GRHL2: variants seen among roughly 807,000 people sequenced by gnomAD.
GRHL2 encodes grainyhead-like protein 2 homolog.
A neutral mutation model predicts 83.8 loss-of-function variants in GRHL2; 21 were observed. The observed-to-expected ratio is 0.25, with a 90% CI of 0.18 to 0.36. The LOEUF is 0.36. Ranked by LOEUF, GRHL2 falls within the 10% of genes least tolerant of loss-of-function variation. The pLI is 1.00. For synonymous variants in GRHL2, 280 were observed against 278.9 expected, an observed-to-expected ratio of 1.00 and a Z score of -0.04; for missense variants, 623 against 781.8, an observed-to-expected ratio of 0.80 and a Z score of 2.42.
chr8:101,570,382 A>G lies in GRHL2; in HGVS notation c.722A>G (p.Asp241Gly). 6.2e-7 allele frequency: 1 copy of G among 1,613,874 alleles called. No homozygotes were observed. Among genetic ancestry groups the G allele is most frequent in the South Asian group, 1.1e-5 (1 of 91,084 alleles). Residue 241 changes from aspartate (D) to glycine (G), a missense_variant, in exon 5 of 16, where the codon GAT becomes GGT. Asp to Gly is a moderately conservative substitution (Grantham distance 94). Coordinates refer to ENST00000646743, the MANE Select transcript of GRHL2 (RefSeq NM_024915.4). ...GTTGGGGCTGAGGAGTACATGTATG[A>G]TCAGACATCAAGGTGAGTTACCAGG... ...ASVGAEEYMY[D>G]QTSSGTFQYT... is the part of the protein sequence containing the mutation.
Position 101,530,273 on chromosome 8 carries a change from C to A in GRHL2, c.21-12968C>A, listed in dbSNP as rs1810896516. On this transcript the variant is annotated intron_variant, in intron 1 of 15. Coordinates refer to ENST00000646743, the MANE Select transcript of GRHL2 (RefSeq NM_024915.4). ...TAGAATTGCATTAACATTTCTTTTC[C>A]ATATTGGCTGTAAACATTAGAGGTA... Among the ~76,000 whole-genome samples the A allele has an allele frequency of 2.0e-5, 3 of 152,116 alleles. No homozygotes were observed. The South Asian group carries it at 6.2e-4, about 32-fold the overall frequency.
At chr8:101,656,570 A>G (rs1327504719) in intron 14 of GRHL2, among the ~76,000 whole-genome samples, 1 of 152,246 alleles carries the variant, frequency 6.6e-6, no homozygotes, top group Non-Finnish European at 1.5e-5. Flanking sequence ...TAAAGAGATC[A>G]GGCAATACTA....
the GRHL2 span, among the ~76,000 whole-genome samples, chr8:101,677,510 A>G: frequency 5.2e-3 from 440 of 84,382 alleles, 2 homozygotes; most frequent in Non-Finnish European, 6.3e-3. Flanking sequence ...AAATAAAGTG[A>G]TTAAATACTG....
chr8:101,632,413 G>A lies in GRHL2; in HGVS notation c.1485+48G>A, dbSNP rs1435178968. On this transcript the variant is annotated intron_variant, in intron 11 of 15. Transcript: ENST00000646743. The stretch of plus-strand genomic sequence containing the variant: ...CACCTCCCATCCATCCACAGGGCAA[G>A]TAGGGCTTTAAGATAGAAGCATTTC... 1.9e-6 allele frequency: 3 copies of A among 1,610,282 alleles called. No homozygotes were observed. In the African/African-American group the frequency reaches 4.0e-5, roughly 21 times the overall value.
At chr8:101,503,715 T>G (rs988058481) in intron 1 of GRHL2, among the ~76,000 whole-genome samples, 3 of 152,206 alleles carry the variant, frequency 2.0e-5, no homozygotes, top group African/African-American at 7.2e-5. Flanking sequence ...AAATCATGGT[T>G]TAGTGAGATG....
chr8:101,503,402 G>A (rs893821664), intron 1 of GRHL2, among the ~76,000 whole-genome samples: 1 of 152,232 alleles, frequency 6.6e-6, no homozygotes, highest in Admixed American at 6.5e-5. Flanking sequence ...GCTGTAAGCT[G>A]TATTAGTGAT....
intron 5 of GRHL2, among the ~76,000 whole-genome samples, chr8:101,572,129 TGGGAA>T (rs994167204): frequency 2.0e-5 from 3 of 152,242 alleles, no homozygotes; most frequent in African/African-American, 7.2e-5. Flanking sequence ...TGCCTTTATC[TGGGAA>T]GGAAAATTCA....
intron 8 of GRHL2, among the ~76,000 whole-genome samples, chr8:101,615,274 C>A (rs1812831991): frequency 6.6e-6 from 1 of 152,156 alleles, no homozygotes; most frequent in Non-Finnish European, 1.5e-5. Context: ...ACTTAAATGG[C>A]CCTTGTAAAT....
chr8:101,678,776 C>T, the GRHL2 span, among the ~76,000 whole-genome samples: 1 of 152,116 alleles, frequency 6.6e-6, no homozygotes, highest in South Asian at 2.1e-4. Context: ...CCTTGACCCC[C>T]AAGCAGCCTA....
intron 7 of GRHL2, among the ~76,000 whole-genome samples, chr8:101,597,294 G>A (rs548888776): frequency 2.4e-4 from 37 of 152,144 alleles, no homozygotes; most frequent in Non-Finnish European, 4.0e-4. Context: ...TCTCTGGGAT[G>A]GGAGATAAGT....
intron 12 of GRHL2, among the ~76,000 whole-genome samples, chr8:101,637,248 C>T (rs1197964485): frequency 6.6e-6 from 1 of 152,156 alleles, no homozygotes; most frequent in Non-Finnish European, 1.5e-5. Context: ...GTGAAATCTT[C>T]TCAGTAGTCC....
intron 1 of GRHL2, among the ~76,000 whole-genome samples, chr8:101,542,617 G>A (rs906907954): frequency 2.6e-5 from 4 of 151,840 alleles, no homozygotes; most frequent in African/African-American, 9.7e-5. Context: ...TGGATACAGA[G>A]CTCTGAGTTT....
intron 1 of GRHL2, among the ~76,000 whole-genome samples, chr8:101,493,295 C>G (rs1810006254): frequency 6.6e-6 from 1 of 152,352 alleles, no homozygotes; most frequent in East Asian, 1.9e-4. Flanking sequence ...CGGCCATCTT[C>G]TCGCACCGGG....
chr8:101,582,885 T>C (rs951234114), intron 7 of GRHL2, among the ~76,000 whole-genome samples: 2 of 152,208 alleles, frequency 1.3e-5, no homozygotes, highest in African/African-American at 4.8e-5. Flanking sequence ...TTTTTTATAC[T>C]GAGGTTTAAC....
intron 3 of GRHL2, among the ~76,000 whole-genome samples, chr8:101,556,156 C>T (rs1190545089): frequency 6.6e-6 from 1 of 152,106 alleles, no homozygotes; most frequent in African/African-American, 2.4e-5. Flanking sequence ...GGCGTTTCTC[C>T]ATGGTGGTCA....
At chr8:101,664,599 T>TTTTG in intron 15 of GRHL2, 81 bp downstream of exon 15, 1 of 1,002,460 alleles carries the variant, frequency 1.0e-6, no homozygotes, top group Non-Finnish European at 1.6e-6. Flanking sequence ...GATGCCTGTC[T>TTTTG]TTTGTTAGGT....
intron 9 of GRHL2, 30 bp downstream of exon 9, chr8:101,619,727 G>T (rs1391347424): frequency 2.4e-5 from 38 of 1,562,374 alleles, no homozygotes; most frequent in Middle Eastern, 1.7e-4. Context: ...TTTTATAAAG[G>T]TATCTTTTTT....
chr8:101,493,804 CA>C (rs1312133367), intron 1 of GRHL2, among the ~76,000 whole-genome samples: 2 of 152,016 alleles, frequency 1.3e-5, no homozygotes, highest in Non-Finnish European at 2.9e-5. Context: ...CGGGGAGCCA[CA>C]GCCTGCGCGG....
chr8:101,614,661 T>A (rs1586145522), intron 8 of GRHL2, among the ~76,000 whole-genome samples: 1 of 152,362 alleles, frequency 6.6e-6, no homozygotes, highest in East Asian at 1.9e-4. Flanking sequence ...GCTTTGTAGA[T>A]ACACTTCCAA....
Sources: gnomAD v4.1 joint callset for allele counts (sites outside exome capture counted in the v4.1 genomes callset) on GRCh38, gnomAD v4.1.1 for gene constraint, MANE v1.5 for transcripts, NCBI Gene and HGNC (gene_info 2026-07-23, HGNC 2026-07-21) for gene names.